The following CCDC69 variants were observed in gnomAD, a reference collection of about 807,000 sequenced individuals.
The protein encoded by CCDC69 is coiled-coil domain-containing protein 69.
Under a neutral mutation model 40.3 loss-of-function variants are expected in CCDC69, and 38 were observed. The observed-to-expected ratio is 0.94, with a 90% CI of 0.73 to 1.24. CCDC69 has a LOEUF of 1.24. Among genes scored for constraint, CCDC69 ranks in the 50% most tolerant of loss-of-function variants. The pLI, the probability that CCDC69 is intolerant of heterozygous loss-of-function variation, is 0.00. For synonymous variants in CCDC69, 141 were observed against 138.9 expected, an observed-to-expected ratio of 1.02 and a Z score of -0.11; for missense variants, 389 against 357.9, an observed-to-expected ratio of 1.09 and a Z score of -0.70.
intron 1 of CCDC69, among the ~76,000 whole-genome samples, chr5:151,215,354 G>A (rs779054853): frequency 3.9e-5 from 6 of 152,204 alleles, no homozygotes; most frequent in Non-Finnish European, 7.3e-5. Context: ...CTGTGCTTCT[G>A]TACCCTCCTC....
At chr5:151,201,720 A>G (rs1226173085) in intron 2 of CCDC69, 32 bp from the exon 3 acceptor site, 3 of 1,464,624 alleles carry the variant, frequency 2.0e-6, no homozygotes, top group Non-Finnish European at 2.8e-6. Flanking sequence ...AATAAAAATA[A>G]AAAAACTCAC....
intron 5 of CCDC69, 92 bp downstream of exon 5, chr5:151,187,294 A>C: frequency 9.3e-7 from 1 of 1,080,700 alleles, no homozygotes; most frequent in South Asian, 1.3e-5. Context: ...AGGCACACGT[A>C]ATCAGTTTTG....
Position 151,216,490 on chromosome 5 carries a change from C to T in CCDC69, c.48+7433G>A, listed in dbSNP as rs568646582. On this transcript the variant is annotated intron_variant, in intron 1 of 8. Transcript: ENST00000355417. ...GGTGTGCAGTGGTGCGATCTCGGCT[C>T]GCTGCAGCCTCTGCCTCCCAGGTTC... is the stretch of plus-strand genomic sequence containing the variant. Among the ~76,000 whole-genome samples the T allele has an allele frequency of 1.4e-3, 200 of 146,368 alleles. 1 individual carries two copies. Among genetic ancestry groups the T allele is most frequent in the African/African-American group, 4.6e-3 (181 of 39,100 alleles).
intron 4 of CCDC69, among the ~76,000 whole-genome samples, chr5:151,195,487 G>A (rs566937399): frequency 1.2e-4 from 18 of 152,132 alleles, no homozygotes; most frequent in East Asian, 3.9e-4. Context: ...TTAGGAGGCC[G>A]AGGCAGGCGG....
chr5:151,204,973 C>A (rs1159233242), intron 2 of CCDC69, among the ~76,000 whole-genome samples: 2 of 152,090 alleles, frequency 1.3e-5, no homozygotes, highest in Non-Finnish European at 2.9e-5. Context: ...AGGTACTAAG[C>A]ATAGTACCCA....
At chr5:151,187,482 T>A (rs371053110) in intron 4 of CCDC69, 23 bp from the exon 5 acceptor site, 12 of 1,598,428 alleles carry the variant, frequency 7.5e-6, no homozygotes, top group African/African-American at 1.5e-5. Flanking sequence ...GAGAACTCCA[T>A]AAGCTCAAGA....
In CCDC69 at chr5:151,183,582, T is replaced by G; in HGVS notation, c.746A>C (p.Glu249Ala). The part of the protein sequence containing the change: ...QLSEDLLLTR[E>A]ALEKEVQLRR... The stretch of plus-strand genomic sequence containing the variant: ...CAGCTGCACCTCCTTCTCCAGGGCC[T>G]CACGCGTGAGAAGCAGGTCTTCTGA... Residue 249 changes from glutamate (E) to alanine (A), a missense_variant, in exon 9 of 9, where the codon GAG (glutamate) becomes GCG (alanine). Coordinates refer to ENST00000355417, the MANE Select transcript of CCDC69 (RefSeq NM_015621.3). 6.2e-7 allele frequency: 1 copy of G among 1,612,570 alleles called. No individual in the cohort carries two copies. The highest frequency in any genetic ancestry group is 8.5e-7 in the Non-Finnish European group (1 of 1,179,518).
At chr5:151,190,261 G>C (rs1279920842) in intron 4 of CCDC69, among the ~76,000 whole-genome samples, 1 of 152,128 alleles carries the variant, frequency 6.6e-6, no homozygotes, top group Non-Finnish European at 1.5e-5. Context: ...TTGTCTGATG[G>C]GGCATTAGAT....
At chr5:151,199,196 C>T (rs530331196) in intron 3 of CCDC69, 112 bp from the exon 4 acceptor site, 139 of 825,502 alleles carry the variant, frequency 1.7e-4, no homozygotes, top group Non-Finnish European at 2.5e-4. Context: ...CTAACCCTTC[C>T]TCTGAGGGAT....
At chr5:151,210,042 T>C (rs987077898) in intron 1 of CCDC69, among the ~76,000 whole-genome samples, 1 of 152,216 alleles carries the variant, frequency 6.6e-6, no homozygotes. Flanking sequence ...TTCATCTACA[T>C]ATACATATGC....
intron 4 of CCDC69, among the ~76,000 whole-genome samples, chr5:151,196,583 T>C (rs767876942): frequency 2.0e-5 from 3 of 152,108 alleles, no homozygotes; most frequent in Non-Finnish European, 4.4e-5. Flanking sequence ...CATAACCTTC[T>C]CCAGAGAAGA....
chr5:151,201,531 C>T, intron 3 of CCDC69, 51 bp downstream of exon 3: 1 of 1,303,578 alleles, frequency 7.7e-7, no homozygotes, highest in East Asian at 2.3e-5. Flanking sequence ...TGGGATTCAC[C>T]AAAGTTAGCT....
At position 151,183,551 on chromosome 5, in the gene CCDC69, T is replaced by C. The variant is rs777514416; in HGVS notation, c.777A>G (p.Arg259=). ...GCTCCTCCTTCTCCTGCTGGAGCTGTCGCCGCAGCTGCACCTCCTTCTCCA... is the reference window on the plus strand; with the variant it reads ...GCTCCTCCTTCTCCTGCTGGAGCTGCCGCCGCAGCTGCACCTCCTTCTCCA... The part of the protein sequence containing the change: ...EALEKEVQLR[R]QLQQEKEELL... Residue 259 remains arginine, a synonymous_variant, in exon 9 of 9, where the codon CGA becomes CGG. Coordinates refer to ENST00000355417, the MANE Select transcript of CCDC69 (RefSeq NM_015621.3). The C allele has an allele frequency of 1.2e-6, 2 of 1,611,688 alleles. No homozygotes were observed. The highest frequency in any genetic ancestry group is 2.2e-5 in the South Asian group (2 of 90,204).
intron 4 of CCDC69, among the ~76,000 whole-genome samples, chr5:151,191,802 G>T (rs776126631): frequency 6.6e-6 from 1 of 152,050 alleles, no homozygotes; most frequent in African/African-American, 2.4e-5. Flanking sequence ...TCAGGAAAAG[G>T]TATCAGGCCC....
intron 4 of CCDC69, among the ~76,000 whole-genome samples, chr5:151,194,924 G>A (rs998921692): frequency 7.5e-5 from 11 of 147,476 alleles, no homozygotes; most frequent in African/African-American, 2.8e-4. Flanking sequence ...ATCTATACAT[G>A]CATTAGAATT....
At chr5:151,203,950 A>G (rs1389799163) in intron 2 of CCDC69, among the ~76,000 whole-genome samples, 1 of 145,080 alleles carries the variant, frequency 6.9e-6, no homozygotes, top group East Asian at 1.9e-4. Flanking sequence ...TATATACTAT[A>G]TATATATAAT....
chr5:151,192,760 C>T (rs1004929589), intron 4 of CCDC69, among the ~76,000 whole-genome samples: 1 of 152,100 alleles, frequency 6.6e-6, no homozygotes, highest in Non-Finnish European at 1.5e-5. Flanking sequence ...CTCAGTAAAA[C>T]ATTAGAGGAT....
chr5:151,199,706 C>A (rs990932705), intron 3 of CCDC69, among the ~76,000 whole-genome samples: 1 of 152,112 alleles, frequency 6.6e-6, no homozygotes, highest in African/African-American at 2.4e-5. Context: ...GTAATGAGCT[C>A]CCTCCACTGT....
At chr5:151,194,066 A>G (rs1401305441) in intron 4 of CCDC69, among the ~76,000 whole-genome samples, 1 of 152,254 alleles carries the variant, frequency 6.6e-6, no homozygotes, top group South Asian at 2.1e-4. Flanking sequence ...GACAGCAAGT[A>G]TTGGCATGAA....
Sources: allele counts gnomAD v4.1 joint callset (sites outside exome capture counted in the v4.1 genomes callset), GRCh38; gene constraint gnomAD v4.1.1; transcripts MANE v1.5; gene names NCBI Gene and HGNC (gene_info 2026-07-23, HGNC 2026-07-21).